The following CEP120 variants were observed in gnomAD, a reference collection of about 807,000 sequenced individuals.
The protein encoded by CEP120 is centrosomal protein of 120 kDa.
A neutral mutation model predicts 126.5 loss-of-function variants in CEP120; 113 were observed. That is an observed-to-expected ratio of 0.89 (90% CI 0.77 to 1.04). The LOEUF (loss-of-function observed/expected upper bound fraction) is 1.04, where lower values mean the gene tolerates loss of function less well. Among genes scored for constraint, CEP120 ranks in the 50% least tolerant of loss-of-function variants. CEP120 has a pLI of 0.00. For synonymous variants in CEP120, 400 were observed against 394.3 expected (o/e 1.01, Z -0.17); for missense variants, 1,230 against 1,155.7 (o/e 1.06, Z -0.93).
At chr5:123,394,705 G>A (rs986874319) in intron 5 of CEP120, among the ~76,000 whole-genome samples, 1 of 152,198 alleles carries the variant, frequency 6.6e-6, no homozygotes, top group Non-Finnish European at 1.5e-5. Flanking sequence ...CATAATAAAT[G>A]TAAGTTATTT....
chr5:123,406,529 C>A, intron 4 of CEP120, among the ~76,000 whole-genome samples: 1 of 147,516 alleles, frequency 6.8e-6, no homozygotes. Flanking sequence ...GAATTACATC[C>A]AATTTCTCAG....
intron 17 of CEP120, among the ~76,000 whole-genome samples, chr5:123,367,713 T>A (rs780447089): frequency 3.3e-5 from 5 of 151,858 alleles, no homozygotes; most frequent in Non-Finnish European, 5.9e-5. Flanking sequence ...GTAAAAAGAA[T>A]CAACAATTAC....
In CEP120 at chr5:123,412,901, T is replaced by C. The variant is rs112765057; in HGVS notation, c.322-361A>G. 5.9e-3 allele frequency among the ~76,000 whole-genome samples: 900 copies of C among 152,274 alleles called. 8 individuals carry two copies. Among genetic ancestry groups the C allele is most frequent in the African/African-American group, 0.02 (837 of 41,556 alleles). On this transcript the variant is annotated intron_variant, in intron 3 of 19. Coordinates refer to ENST00000306467, the MANE Select transcript of CEP120 (RefSeq NM_001375405.1). The stretch of plus-strand genomic sequence containing the variant: ...CTACCAGTTTTCTAATTCCCTAACC[T>C]CTATCTTCTCACGTTTTTAAATTAT...
chr5:123,383,081 A>T lies in CEP120; in HGVS notation c.1765T>A (p.Ser589Thr). 1 of 1,417,752 alleles carries T rather than the reference A, an allele frequency of 7.1e-7. No individual in the cohort carries two copies. The highest frequency in any genetic ancestry group is 9.8e-7 in the Non-Finnish European group (1 of 1,022,730). The allele number at this position is 1,417,752 out of a possible 1,614,324, so 87.8% of individuals were successfully genotyped here. Residue 589 changes from serine (S) to threonine (T), a missense_variant and splice_region_variant, in exon 12 of 20, where the codon TCA (serine) becomes ACA (threonine). Transcript: ENST00000306467. ...ESVPVIAAQG[S>T]NNRIADLSYT... is the part of the protein sequence containing the mutation. Reference sequence around the variant, plus strand: ...GAAAGATCTGCTATCCTGTTATTTGATCTACAAATAAAATAAGAAATACCT... The same window carrying T: ...GAAAGATCTGCTATCCTGTTATTTGTTCTACAAATAAAATAAGAAATACCT...
chr5:123,414,907 GC>G (rs1362196766), intron 3 of CEP120, among the ~76,000 whole-genome samples: 1 of 134,598 alleles, frequency 7.4e-6, no homozygotes, highest in Non-Finnish European at 1.5e-5. Context: ...GGGAGTCAGA[GC>G]TTGCAGTGAG....
At chr5:123,356,098 C>T (rs963772123) in intron 18 of CEP120, among the ~76,000 whole-genome samples, 1 of 152,050 alleles carries the variant, frequency 6.6e-6, no homozygotes, top group Non-Finnish European at 1.5e-5. Context: ...AGATATGCGG[C>T]ATTATTTCTG....
rs763397454 is a variant in CEP120, at chr5:123,350,032, T to G, written c.2638A>C (p.Met880Leu). The change falls in exon 19 of 20, where the codon ATG (methionine) becomes CTG (leucine). Residue 880 changes from methionine to leucine, a missense_variant. Met to Leu is a conservative substitution (Grantham distance 15). Coordinates refer to ENST00000306467, the MANE Select transcript of CEP120 (RefSeq NM_001375405.1). ...TCAGCGGCAAGGTAACGTAGTCTCA[T>G]CTGTTCCAATTCTTCCTGCTGTTTT... ...LKKQQEELEQMRLRYLAAEEK... is the reference protein window; with the variant it reads ...LKKQQEELEQLRLRYLAAEEK... 4 of 1,613,694 alleles carry G rather than the reference T, an allele frequency of 2.5e-6. No individual in the cohort carries two copies. The highest frequency in any genetic ancestry group is 1.3e-5 in the African/African-American group (1 of 75,042).
intron 4 of CEP120, among the ~76,000 whole-genome samples, chr5:123,405,094 T>C (rs562092073): frequency 6.5e-4 from 99 of 152,310 alleles, no homozygotes; most frequent in African/African-American, 2.3e-3. Context: ...CAACTCTCCA[T>C]AGATCTGTCA....
intron 18 of CEP120, among the ~76,000 whole-genome samples, chr5:123,356,792 A>G (rs908681098): frequency 6.6e-6 from 1 of 152,072 alleles, no homozygotes. Context: ...TTTGTCATAA[A>G]TTTTAATTCT....
intron 3 of CEP120, among the ~76,000 whole-genome samples, chr5:123,415,226 T>A (rs1774313927): frequency 6.6e-6 from 1 of 152,022 alleles, no homozygotes; most frequent in East Asian, 1.9e-4. Flanking sequence ...GCAGCTGAGT[T>A]TGGGGTGGCA....
chr5:123,392,519 T>C (rs1772472230), intron 6 of CEP120, among the ~76,000 whole-genome samples: 1 of 152,158 alleles, frequency 6.6e-6, no homozygotes, highest in South Asian at 2.1e-4. Context: ...GGTTAACTTA[T>C]CTTTTTTTTG....
At chr5:123,421,442 C>A (rs946915214) in intron 1 of CEP120, among the ~76,000 whole-genome samples, 36 of 152,248 alleles carry the variant, frequency 2.4e-4, no homozygotes. Context: ...CACTAACAGG[C>A]CTCTCTCAGG....
intron 15 of CEP120, among the ~76,000 whole-genome samples, chr5:123,377,850 T>C (rs1771346903): frequency 6.6e-6 from 1 of 152,144 alleles, no homozygotes; most frequent in Non-Finnish European, 1.5e-5. Flanking sequence ...GTTTCTTTTC[T>C]TCTTTTAGAA....
Position 123,423,181 on chromosome 5 carries a change from G to A in CEP120, c.-183C>T, listed in dbSNP as rs964637118. The A allele has an allele frequency of 4.9e-6, 3 of 610,202 alleles. No individual in the cohort carries two copies. The Admixed American group carries it at 8.4e-5, about 17-fold the overall frequency. The allele number at this position is 610,202 out of a possible 1,614,324, so 37.8% of individuals were successfully genotyped here. A position where few individuals can be genotyped will look rare whatever the true frequency, so the allele number is the denominator to read the frequency against. Reference sequence around the variant, plus strand: ...GCAGCGCGCCCGGCTCCTCTGCCTCGGGCCGCCAGCCCAGATCCTAACTGT... The same window carrying A: ...GCAGCGCGCCCGGCTCCTCTGCCTCAGGCCGCCAGCCCAGATCCTAACTGT... On this transcript the variant is annotated 5_prime_UTR_variant, in exon 1 of 20. Coordinates refer to ENST00000306467, the MANE Select transcript of CEP120 (RefSeq NM_001375405.1).
At chr5:123,352,285 A>C (rs1769245179) in intron 18 of CEP120, among the ~76,000 whole-genome samples, 1 of 152,032 alleles carries the variant, frequency 6.6e-6, no homozygotes, top group South Asian at 2.1e-4. Flanking sequence ...CTTAATTTTA[A>C]CATAGTTCAG....
intron 4 of CEP120, chr5:123,401,975 C>T (rs758324209): frequency 2.0e-4 from 316 of 1,599,816 alleles, no homozygotes; most frequent in Non-Finnish European, 2.3e-4. Context: ...GCAGGAGGCT[C>T]CACTTGGTCT....
chr5:123,365,729 C>T (rs1245586758), intron 17 of CEP120, among the ~76,000 whole-genome samples: 2 of 151,410 alleles, frequency 1.3e-5, no homozygotes, highest in African/African-American at 2.4e-5. Flanking sequence ...AAGATGTATA[C>T]CTACTACTTG....
chr5:123,404,042 A>G (rs887948236), intron 4 of CEP120, among the ~76,000 whole-genome samples: 1 of 152,202 alleles, frequency 6.6e-6, no homozygotes, highest in African/African-American at 2.4e-5. Context: ...TATTGATGTA[A>G]ATTTCCCAGT....
At chr5:123,423,793 C>T (rs944463636), upstream of CEP120, among the ~76,000 whole-genome samples, 1 of 152,056 alleles carries the variant, frequency 6.6e-6, no homozygotes, top group African/African-American at 2.4e-5. Flanking sequence ...TCTAAAGTCC[C>T]TAAATCGTGC....
Sources: gnomAD v4.1 joint callset for allele counts (sites outside exome capture counted in the v4.1 genomes callset) on GRCh38, gnomAD v4.1.1 for gene constraint, MANE v1.5 for transcripts, NCBI Gene and HGNC (gene_info 2026-07-23, HGNC 2026-07-21) for gene names.